ADAMTS5: variants seen among roughly 807,000 people sequenced by gnomAD.
ADAMTS5 encodes A disintegrin and metalloproteinase with thrombospondin motifs 5.
A neutral mutation model predicts 81.4 loss-of-function variants in ADAMTS5; 54 were observed. The ratio of observed to expected loss-of-function variants is 0.66; its 90% CI spans 0.53 to 0.83. ADAMTS5 has a LOEUF of 0.83. ADAMTS5 is among the 40% of genes least tolerant of loss of function. The probability of loss-of-function intolerance (pLI) is 0.00; values close to 1 mark genes in which losing one functional copy is unlikely to be tolerated. For synonymous variants in ADAMTS5, 532 were observed against 508.8 expected, an observed-to-expected ratio of 1.05 and a Z score of -0.61; for missense variants, 1,194 against 1,229.9, an observed-to-expected ratio of 0.97 and a Z score of 0.44.
chr21:26,935,953 T>C (rs1987006710), intron 3 of ADAMTS5, among the ~76,000 whole-genome samples: 1 of 152,190 alleles, frequency 6.6e-6, no homozygotes, highest in South Asian at 2.1e-4. Context: ...CATTTAATCC[T>C]CACCACAACC....
At position 26,954,745 on chromosome 21, in the gene ADAMTS5, C is replaced by T. The variant is rs1286298815; in HGVS notation, c.1231G>A (p.Glu411Lys). The T allele has an allele frequency of 1.5e-5, 25 of 1,613,684 alleles. No homozygotes were observed. Among genetic ancestry groups the T allele is most frequent in the Non-Finnish European group, 2.0e-5 (24 of 1,179,878 alleles). ...AAGAAAAGGCGCTGCATACCGATTT[C>T]GTGAGCCACAGTGAAGGCTGCGTGG... ...GLHAAFTVAH[E>K]IGHLLGLSHD... The change falls in exon 2 of 8, where the codon GAA becomes AAA. Residue 411 changes from glutamate to lysine, a missense_variant. Transcript: ENST00000284987.
intron 1 of ADAMTS5, among the ~76,000 whole-genome samples, chr21:26,956,595 A>T (rs1012489938): frequency 6.6e-5 from 10 of 152,194 alleles, no homozygotes; most frequent in Admixed American, 5.9e-4. Context: ...CACTATCTCT[A>T]GGACCAAAAA....
rs929997675 is a variant in ADAMTS5 at position 26,966,392 on chromosome 21, A to G, written c.-1T>C. On this transcript the variant is annotated 5_prime_UTR_variant, in exon 1 of 8. Transcript: ENST00000284987. ...GCAGGGACGCCCACCCGAGCAGCAT[A>G]GTGCGCTGCCCGCGGGGAGGGGCTG... 2 of 1,446,518 alleles carry G rather than the reference A, an allele frequency of 1.4e-6. No individual in the cohort carries two copies. The highest frequency in any genetic ancestry group is 1.8e-6 in the Non-Finnish European group (2 of 1,113,442). 89.6% of individuals were successfully genotyped at this position (1,446,518 alleles called of 1,614,324 possible). A position where few individuals can be genotyped will look rare whatever the true frequency, so the allele number is the denominator to read the frequency against.
chr21:26,946,532 C>T (rs750818910), intron 2 of ADAMTS5, among the ~76,000 whole-genome samples: 9 of 152,062 alleles, frequency 5.9e-5, no homozygotes, highest in Non-Finnish European at 1.3e-4. Context: ...TCTGCCTTTT[C>T]AGGGAGAGTT....
rs185005307 is a variant in ADAMTS5 at position 26,927,843 on chromosome 21, G to A, written c.2225+2043C>T. 2.6e-5 allele frequency among the ~76,000 whole-genome samples: 4 copies of A among 151,928 alleles called. No homozygotes were observed. The East Asian group carries it at 5.8e-4, about 22-fold the overall frequency. Reference sequence around the variant, plus strand: ...CTTGGATTGCGGTGGGAGCGGTCACGGTGGTGAGGGGCACCCAGATTCTGG... The same window carrying A: ...CTTGGATTGCGGTGGGAGCGGTCACAGTGGTGAGGGGCACCCAGATTCTGG... On this transcript the variant is annotated intron_variant, in intron 7 of 7. Coordinates refer to ENST00000284987, the MANE Select transcript of ADAMTS5 (RefSeq NM_007038.5).
At chr21:26,938,687 G>A (rs1453416395) in intron 3 of ADAMTS5, among the ~76,000 whole-genome samples, 1 of 152,024 alleles carries the variant, frequency 6.6e-6, no homozygotes, top group East Asian at 1.9e-4. Flanking sequence ...GCGCCAACAT[G>A]CCCAACTGAT....
At chr21:26,938,662 T>TG (rs1195736508) in intron 3 of ADAMTS5, among the ~76,000 whole-genome samples, 2 of 152,190 alleles carry the variant, frequency 1.3e-5, no homozygotes, top group Non-Finnish European at 2.9e-5. Context: ...CCTGAGTAGC[T>TG]GGGATTACAG....
intron 7 of ADAMTS5, 92 bp from the exon 8 acceptor site, chr21:26,924,712 CAG>C (rs773833179): frequency 9.4e-7 from 1 of 1,060,048 alleles, no homozygotes; most frequent in Non-Finnish European, 1.4e-6. Context: ...AATACACAAA[CAG>C]AAGTTCTCTA....
rs554233648 is a variant in ADAMTS5 at position 26,935,114 on chromosome 21, T to C, written c.1406-365A>G. Among the ~76,000 whole-genome samples the C allele has an allele frequency of 5.9e-5, 9 of 152,222 alleles. No individual in the cohort carries two copies. The South Asian group carries it at 1.7e-3, about 28-fold the overall frequency. On this transcript the variant is annotated intron_variant, in intron 3 of 7. Transcript: ENST00000284987. ...AAAATCAGATGGTGAATTTTAATAA[T>C]AATAATAATAATGATAATGAAGCAT...
At chr21:26,940,380 A>G (rs1334839174) in intron 3 of ADAMTS5, among the ~76,000 whole-genome samples, 1 of 152,148 alleles carries the variant, frequency 6.6e-6, no homozygotes, top group Non-Finnish European at 1.5e-5. Flanking sequence ...TCTGTGTGTC[A>G]ATTATTGTAT....
rs530100250 is a variant in ADAMTS5 at position 26,919,231 on chromosome 21, T to G, written c.*4822A>C. The G allele has an allele frequency of 6.6e-6, 1 of 151,720 alleles. No individual in the cohort carries two copies. The highest frequency in any genetic ancestry group is 1.5e-5 in the Non-Finnish European group (1 of 67,886). 9.4% of individuals were successfully genotyped at this position (151,720 alleles called of 1,614,324 possible). ...AGCATGCCCTGTTTTTTATTTGTTTTTTTTTTTTTTCCTACAAATCACAGT... is the reference window on the plus strand; with the variant it reads ...AGCATGCCCTGTTTTTTATTTGTTTGTTTTTTTTTTCCTACAAATCACAGT... On this transcript the variant is annotated 3_prime_UTR_variant, in exon 8 of 8. Transcript: ENST00000284987.
At position 26,923,852 on chromosome 21, in the gene ADAMTS5, T is replaced by C. The variant is rs1318734681; in HGVS notation, c.*201A>G. ...GTTCAATAACTCCCAAGTTTTTCTA[T>C]ATTGCAAGGTCACCACTGTCACGTG... On this transcript the variant is annotated 3_prime_UTR_variant, in exon 8 of 8. Transcript: ENST00000284987. 1.9e-6 allele frequency: 1 copy of C among 522,344 alleles called. No homozygotes were observed. Among genetic ancestry groups the C allele is most frequent in the Non-Finnish European group, 3.3e-6 (1 of 301,626 alleles). The allele number at this position is 522,344 out of a possible 1,614,324, so 32.4% of individuals were successfully genotyped here.
chr21:26,965,642 TG>T lies in ADAMTS5; in HGVS notation c.749del (p.Ser250Ter), dbSNP rs1568855834. 2 of 1,596,590 alleles carry T rather than the reference TG, an allele frequency of 1.3e-6. No homozygotes were observed. ...GCCGCCGCCACCACGTCTGCGGTCC[TG>T]AGCCCCCAGCGGGCGAGAGAGCGGA... ...DQSALSPAGG[S>X]GPQTWWRRRR... is the part of the protein sequence containing the mutation. On this transcript the variant is annotated frameshift_variant, in exon 1 of 8. Coordinates refer to ENST00000284987, the MANE Select transcript of ADAMTS5 (RefSeq NM_007038.5). LOFTEE classifies it high-confidence loss of function.
chr21:26,952,933 C>T (rs1987349545), intron 2 of ADAMTS5, among the ~76,000 whole-genome samples: 1 of 152,152 alleles, frequency 6.6e-6, no homozygotes, highest in African/African-American at 2.4e-5. Context: ...CGGAATGTTG[C>T]CTTGAGCAAG....
intron 3 of ADAMTS5, among the ~76,000 whole-genome samples, chr21:26,937,866 G>A (rs1177022811): frequency 6.6e-6 from 1 of 152,050 alleles, no homozygotes; most frequent in Non-Finnish European, 1.5e-5. Context: ...ATTTGATCTG[G>A]ATCTTCCTGG....
chr21:26,932,097 C>G lies in ADAMTS5; in HGVS notation c.1956G>C (p.Trp652Cys). 4 of 1,614,160 alleles carry G rather than the reference C, an allele frequency of 2.5e-6. No individual in the cohort carries two copies. The highest frequency in any genetic ancestry group is 3.4e-6 in the Non-Finnish European group (4 of 1,180,022). The change falls in exon 6 of 8, where the codon TGG (tryptophan) becomes TGC (cysteine). Residue 652 changes from tryptophan (W) to cysteine (C), a missense_variant. This residue lies in a region of ADAMTS5 where 696 missense variants were observed against 817.6 expected (regional missense o/e 0.85). Coordinates refer to ENST00000284987, the MANE Select transcript of ADAMTS5 (RefSeq NM_007038.5). ...GCAGGACACCTGCATATTTGGGAAC[C>G]CATTCCACAAAAGTTTTGACTCCTT... ...DAKGVKTFVEWVPKYAGVLPA... is the reference protein window; with the variant it reads ...DAKGVKTFVECVPKYAGVLPA...
At chr21:26,946,835 G>A (rs911748749) in intron 2 of ADAMTS5, among the ~76,000 whole-genome samples, 7 of 152,162 alleles carry the variant, frequency 4.6e-5, no homozygotes, top group African/African-American at 1.2e-4. Flanking sequence ...GGATGGAATC[G>A]AGAAATCCAC....
chr21:26,942,004 A>G lies in ADAMTS5; in HGVS notation c.1405+1376T>C, dbSNP rs1264415455. Among the ~76,000 whole-genome samples, 3 of 151,762 alleles carry G rather than the reference A, an allele frequency of 2.0e-5. No homozygotes were observed. The East Asian group carries it at 5.9e-4, about 30-fold the overall frequency. ...CTTATTGTTGTTTCCAAGTCTTTAA[A>G]TTATTGACATATTTTTTCAACTAAA... On this transcript the variant is annotated intron_variant, in intron 3 of 7. Transcript: ENST00000284987.
chr21:26,943,701 A>G (rs1987159312), intron 2 of ADAMTS5, among the ~76,000 whole-genome samples, 154 bp from the exon 3 acceptor site: 2 of 152,226 alleles, frequency 1.3e-5, no homozygotes, highest in African/African-American at 4.8e-5. Context: ...CCAGGGAAAT[A>G]AAAGTTGCAT....
Sources: gnomAD v4.1 joint callset for allele counts (sites outside exome capture counted in the v4.1 genomes callset) on GRCh38, gnomAD v4.1.1 for gene constraint, gnomAD v4.1.1 regional missense constraint, MANE v1.5 for transcripts, NCBI Gene and HGNC (gene_info 2026-07-23, HGNC 2026-07-21) for gene names.